Variants in ABTB3 observed in about 807,000 individuals in gnomAD.
ABTB3 encodes the protein ankyrin repeat and BTB domain containing 3, also known as ankyrin repeat- and BTB/POZ domain-containing protein 3.
chr12:107,420,542 T>C, the ABTB3 span, among the ~76,000 whole-genome samples: 1 of 152,142 alleles, frequency 6.6e-6, no homozygotes, highest in South Asian at 2.1e-4. Context: ...ATGATTCAAT[T>C]ACCTCCCATC....
At chr12:107,336,036 T>A in the ABTB3 span, among the ~76,000 whole-genome samples, 1 of 152,242 alleles carries the variant, frequency 6.6e-6, no homozygotes, top group Non-Finnish European at 1.5e-5. Flanking sequence ...AGCTTGTTCG[T>A]GTTCCTCCTT....
At chr12:107,427,978 C>T in the ABTB3 span, among the ~76,000 whole-genome samples, 1 of 152,176 alleles carries the variant, frequency 6.6e-6, no homozygotes, top group African/African-American at 2.4e-5. Flanking sequence ...CAGAATCCCC[C>T]AGAACAGCCT....
At chr12:107,469,942 CTCTTTCTTTCTTTCTTTCTT>C in the ABTB3 span, among the ~76,000 whole-genome samples, 109 of 59,340 alleles carry the variant, frequency 1.8e-3, 6 homozygotes, top group Admixed American at 2.9e-3. Context: ...CTCTTTCTTT[CTCTTTCTTTCTTTCTTTCTT>C]TCTTTCTTTC....
chr12:107,587,390 G>C, the ABTB3 span, among the ~76,000 whole-genome samples: 1 of 152,188 alleles, frequency 6.6e-6, no homozygotes, highest in Non-Finnish European at 1.5e-5. Flanking sequence ...GAAGGCAGGA[G>C]CAGTGAGGAT....
the ABTB3 span, among the ~76,000 whole-genome samples, chr12:107,508,457 T>TTTTTTG: frequency 7.8e-6 from 1 of 128,234 alleles, no homozygotes; most frequent in East Asian, 2.6e-4. Flanking sequence ...TTTTTTTTTT[T>TTTTTTG]TTTTTTTTTT....
the ABTB3 span, among the ~76,000 whole-genome samples, chr12:107,422,600 G>T: frequency 1.3e-5 from 2 of 152,250 alleles, no homozygotes; most frequent in Non-Finnish European, 2.9e-5. Flanking sequence ...CTTGATGGCA[G>T]CAGTGGAGGT....
At chr12:107,443,935 C>A in the ABTB3 span, among the ~76,000 whole-genome samples, 1 of 152,180 alleles carries the variant, frequency 6.6e-6, no homozygotes, top group Admixed American at 6.5e-5. Context: ...CCCTGTGAAC[C>A]CTTGCCTTAC....
chr12:107,323,932 T>C, the ABTB3 span, among the ~76,000 whole-genome samples: 2 of 152,194 alleles, frequency 1.3e-5, no homozygotes, highest in African/African-American at 4.8e-5. Flanking sequence ...GTAAAGGCAG[T>C]TGTTAAGAGA....
chr12:107,343,189 G>T, the ABTB3 span, among the ~76,000 whole-genome samples: 66,968 of 151,654 alleles, frequency 0.44, 18,129 homozygotes, highest in African/African-American at 0.78. Flanking sequence ...TGTTTTTTTG[G>T]TTTTTTATAG....
chr12:107,397,791 G>A, the ABTB3 span, among the ~76,000 whole-genome samples: 444 of 152,272 alleles, frequency 2.9e-3, 5 homozygotes, highest in Non-Finnish European at 4.9e-3. Flanking sequence ...TGTAGCGTGA[G>A]ATGGGGGTCT....
the ABTB3 span, among the ~76,000 whole-genome samples, chr12:107,326,570 G>A: frequency 6.6e-6 from 1 of 152,100 alleles, no homozygotes; most frequent in Non-Finnish European, 1.5e-5. Flanking sequence ...TTCTTCCTAT[G>A]CACAAAACAC....
the ABTB3 span, among the ~76,000 whole-genome samples, chr12:107,526,417 A>G: frequency 6.6e-6 from 1 of 152,088 alleles, no homozygotes; most frequent in South Asian, 2.1e-4. Flanking sequence ...GGCTGGGAGA[A>G]GCAGGTCCAC....
chr12:107,469,942 CTCTTTCTTTCTTTCTT>C, the ABTB3 span, among the ~76,000 whole-genome samples: 352 of 59,284 alleles, frequency 5.9e-3, 13 homozygotes, highest in African/African-American at 0.011. Context: ...CTCTTTCTTT[CTCTTTCTTTCTTTCTT>C]TCTTTCTTTC....
At chr12:107,522,791 G>A in the ABTB3 span, among the ~76,000 whole-genome samples, 3 of 147,560 alleles carry the variant, frequency 2.0e-5, no homozygotes, top group East Asian at 5.9e-4. Context: ...AAGAAGGAAG[G>A]GAGGGAGGGA....
the ABTB3 span, among the ~76,000 whole-genome samples, chr12:107,643,751 C>CT: frequency 9.1e-6 from 1 of 109,512 alleles, no homozygotes; most frequent in Non-Finnish European, 2.0e-5. Context: ...GATTGTTATT[C>CT]CTTTTTTTTT....
the ABTB3 span, among the ~76,000 whole-genome samples, chr12:107,509,963 C>A: frequency 2.6e-5 from 4 of 152,308 alleles, no homozygotes; most frequent in African/African-American, 9.6e-5. Flanking sequence ...CTTCTCTGTG[C>A]CAGGTTGTCT....
the ABTB3 span, chr12:107,319,814 G>A: frequency 7.6e-7 from 1 of 1,312,780 alleles, no homozygotes; most frequent in East Asian, 3.1e-5. Flanking sequence ...GGAGGCGCCC[G>A]GGGGAGGAGC....
At chr12:107,409,882 A>T in the ABTB3 span, among the ~76,000 whole-genome samples, 2 of 152,232 alleles carry the variant, frequency 1.3e-5, no homozygotes, top group Non-Finnish European at 2.9e-5. Context: ...GACAGGAAGC[A>T]CACTATATCA....
the ABTB3 span, among the ~76,000 whole-genome samples, chr12:107,579,878 C>G: frequency 6.6e-6 from 1 of 152,230 alleles, no homozygotes; most frequent in African/African-American, 2.4e-5. Context: ...GTGCATTTCT[C>G]AAAGTGTGGT....
Sources: gnomAD v4.1 joint callset for allele counts (sites outside exome capture counted in the v4.1 genomes callset) on GRCh38, gnomAD v4.1.1 for gene constraint, MANE v1.5 for transcripts, NCBI Gene and HGNC (gene_info 2026-07-23, HGNC 2026-07-21) for gene names.